The following PRKG1 variants were observed in gnomAD, a reference collection of about 807,000 sequenced individuals.
The protein encoded by PRKG1 is cGMP-dependent protein kinase 1.
A neutral mutation model predicts 88.1 loss-of-function variants in PRKG1; 35 were observed. The observed-to-expected ratio is 0.40, with a 90% CI of 0.30 to 0.53. The LOEUF is 0.53. PRKG1 is among the 20% of genes least tolerant of loss of function. PRKG1 has a pLI of 0.59. For missense variants in PRKG1, 540 were observed against 839.8 expected (o/e 0.64, Z 4.41); for synonymous variants, 303 against 292.5 (o/e 1.04, Z -0.37).
chr10:51,793,420 T>G (rs1838925055), intron 3 of PRKG1, among the ~76,000 whole-genome samples: 1 of 151,892 alleles, frequency 6.6e-6, no homozygotes, highest in Non-Finnish European at 1.5e-5. Flanking sequence ...ATCAAAAGAA[T>G]GAATGTACAA....
chr10:51,560,008 G>A (rs1837416469), intron 3 of PRKG1, among the ~76,000 whole-genome samples: 1 of 152,088 alleles, frequency 6.6e-6, no homozygotes, highest in Non-Finnish European at 1.5e-5. Flanking sequence ...CAACAGTGAC[G>A]TACTTTGACT....
At chr10:51,531,835 G>A (rs1207096225) in intron 3 of PRKG1, among the ~76,000 whole-genome samples, 1 of 151,582 alleles carries the variant, frequency 6.6e-6, no homozygotes, top group Non-Finnish European at 1.5e-5. Flanking sequence ...AGTAGACACG[G>A]GGTTTTACCA....
chr10:52,214,265 A>G (rs987773527), intron 9 of PRKG1, among the ~76,000 whole-genome samples: 2 of 152,178 alleles, frequency 1.3e-5, no homozygotes, highest in Non-Finnish European at 2.9e-5. Flanking sequence ...AAAGAAAGTA[A>G]TAAGATTTCA....
At chr10:51,106,707 A>G (rs1784732577) in intron 1 of PRKG1, among the ~76,000 whole-genome samples, 1 of 152,212 alleles carries the variant, frequency 6.6e-6, no homozygotes, top group African/African-American at 2.4e-5. Context: ...AAGCCAGGGA[A>G]TAGAAAAACA....
At chr10:51,298,658 A>G (rs1054375629) in intron 2 of PRKG1, among the ~76,000 whole-genome samples, 3 of 152,234 alleles carry the variant, frequency 2.0e-5, no homozygotes, top group African/African-American at 7.2e-5. Context: ...GAATTGAAAT[A>G]TGAAATGGTT....
At chr10:51,009,391 A>C (rs1055203470) in intron 1 of PRKG1, among the ~76,000 whole-genome samples, 124 of 152,340 alleles carry the variant, frequency 8.1e-4, no homozygotes, top group Non-Finnish European at 3.1e-4. Context: ...TAAAAGTAGA[A>C]TTTAAATAGT....
chr10:51,140,618 C>T (rs1002470360), intron 1 of PRKG1, among the ~76,000 whole-genome samples: 1 of 152,124 alleles, frequency 6.6e-6, no homozygotes, highest in Admixed American at 6.5e-5. Flanking sequence ...ATGAAAATAT[C>T]GTATACTCAA....
chr10:51,092,481 A>G (rs1844422479), intron 1 of PRKG1, among the ~76,000 whole-genome samples: 1 of 152,200 alleles, frequency 6.6e-6, no homozygotes, highest in Admixed American at 6.5e-5. Flanking sequence ...TAACTGATTT[A>G]GGTGGCTGAA....
intron 5 of PRKG1, among the ~76,000 whole-genome samples, chr10:51,913,367 C>A (rs538395608): frequency 6.6e-6 from 1 of 152,182 alleles, no homozygotes; most frequent in Non-Finnish European, 1.5e-5. Context: ...AACCCCCACG[C>A]CCTATCCTCC....
chr10:51,641,747 T>C (rs1161868445), intron 3 of PRKG1, among the ~76,000 whole-genome samples: 2 of 152,188 alleles, frequency 1.3e-5, no homozygotes, highest in Non-Finnish European at 2.9e-5. Flanking sequence ...TTTGTACTCA[T>C]CGCCGTTCTT....
intron 2 of PRKG1, among the ~76,000 whole-genome samples, chr10:51,157,013 T>G (rs1322355833): frequency 1.3e-5 from 2 of 152,128 alleles, no homozygotes; most frequent in Non-Finnish European, 2.9e-5. Context: ...TTAGTGAAAT[T>G]AAGTGGTCTT....
chr10:51,163,048 C>G (rs1846408538), intron 2 of PRKG1, among the ~76,000 whole-genome samples: 1 of 152,040 alleles, frequency 6.6e-6, no homozygotes, highest in African/African-American at 2.4e-5. Flanking sequence ...AATAGTAATC[C>G]CAGCTACACA....
At chr10:52,210,914 C>T (rs571210426) in intron 9 of PRKG1, among the ~76,000 whole-genome samples, 36 of 152,234 alleles carry the variant, frequency 2.4e-4, no homozygotes, top group Admixed American at 3.3e-4. Flanking sequence ...ATCAATGAGT[C>T]AATATACTTA....
intron 3 of PRKG1, among the ~76,000 whole-genome samples, chr10:51,687,711 G>A (rs563234222): frequency 2.3e-4 from 35 of 152,208 alleles, no homozygotes; most frequent in African/African-American, 7.9e-4. Flanking sequence ...TCACAGCTTG[G>A]CTGAAACAAT....
chr10:51,280,246 G>A (rs916173726), intron 2 of PRKG1, among the ~76,000 whole-genome samples: 3 of 152,198 alleles, frequency 2.0e-5, no homozygotes, highest in Non-Finnish European at 2.9e-5. Flanking sequence ...TCTGCTTTTA[G>A]TCTGATGGGC....
chr10:50,991,334 C>CGCT lies in PRKG1; in HGVS notation c.-43_-42insTGC. The CGCT allele has an allele frequency of 6.7e-7, 1 of 1,496,836 alleles. No homozygotes were observed. Among genetic ancestry groups the CGCT allele is most frequent in the Middle Eastern group, 1.9e-4 (1 of 5,352 alleles). The allele number at this position is 1,496,836 out of a possible 1,614,324, so 92.7% of individuals were successfully genotyped here. A position where few individuals can be genotyped will look rare whatever the true frequency, so the allele number is the denominator to read the frequency against. ...CAGCCGCCGCCGCCGCCGCCGCCGC[C>CGCT]GCCGCCGCCCGAGAAAAAGTTTCGC... On this transcript the variant is annotated 5_prime_UTR_variant, in exon 1 of 18. Transcript: ENST00000401604. The surrounding 1 kb of genome is among the most constrained non-coding windows in gnomAD (Gnocchi z 4.5).
At chr10:51,521,231 T>C (rs1410088449) in intron 3 of PRKG1, among the ~76,000 whole-genome samples, 1 of 152,058 alleles carries the variant, frequency 6.6e-6, no homozygotes, top group African/African-American at 2.4e-5. Flanking sequence ...GAGGTTGCAG[T>C]GAGGAAAGAT....
At chr10:51,879,854 A>G (rs1269731005) in intron 4 of PRKG1, among the ~76,000 whole-genome samples, 12 of 152,338 alleles carry the variant, frequency 7.9e-5, no homozygotes, top group Admixed American at 6.5e-4. Context: ...ACTCAGTGGA[A>G]GGAATTTCAC....
chr10:52,036,407 A>G (rs1564440874), intron 5 of PRKG1, among the ~76,000 whole-genome samples: 1 of 150,546 alleles, frequency 6.6e-6, no homozygotes, highest in Non-Finnish European at 1.5e-5. Flanking sequence ...GACAGGTAAA[A>G]TGGGGGAATT....
Sources: allele counts gnomAD v4.1 joint callset (sites outside exome capture counted in the v4.1 genomes callset), GRCh38; gene constraint gnomAD v4.1.1; non-coding constraint Gnocchi (gnomAD v3.1); transcripts MANE v1.5; gene names NCBI Gene and HGNC (gene_info 2026-07-23, HGNC 2026-07-21).